Variants in TRPM3 observed in about 807,000 individuals in gnomAD.
TRPM3 encodes long transient receptor potential channel 3.
In TRPM3, 77 loss-of-function variants were observed where a neutral mutation model predicts 181.2. The ratio of observed to expected loss-of-function variants is 0.42; its 90% CI spans 0.35 to 0.51. The LOEUF (loss-of-function observed/expected upper bound fraction) is 0.51, where lower values mean the gene tolerates loss of function less well. Among genes scored for constraint, TRPM3 ranks in the 20% least tolerant of loss-of-function variants. The pLI, the probability that TRPM3 is intolerant of heterozygous loss-of-function variation, is 0.01. For synonymous variants in TRPM3, 745 were observed against 796.4 expected (o/e 0.94, Z 1.09); for missense variants, 1,759 against 2,196.7 (o/e 0.80, Z 3.98).
Position 71,264,434 on chromosome 9 carries a change from GGGAA to G in TRPM3, c.183+182215_183+182218del, listed in dbSNP as rs1429425398. Among the ~76,000 whole-genome samples the G allele has an allele frequency of 5.3e-5, 8 of 152,194 alleles. No individual in the cohort carries two copies. In the East Asian group the frequency reaches 1.5e-3, roughly 29 times the overall value. On this transcript the variant is annotated intron_variant, in intron 1 of 24. Coordinates refer to the TRPM3 transcript ENST00000357533. ...ATCAATTACACTTCATTAAAGCTGG[GGGAA>G]GGGAGTGAATGATGTTTCAGTCTCA...
intron 1 of TRPM3, among the ~76,000 whole-genome samples, chr9:71,003,207 A>AAAC (rs2097632499): frequency 1.4e-5 from 2 of 147,812 alleles, no homozygotes. Flanking sequence ...AAAAAAAAAA[A>AAAC]AAAACACTTA....
In TRPM3 at chr9:70,888,271, AAGTGAATTTTTATGGCAATAT is replaced by A. The variant is rs1170523500; in HGVS notation, c.178-23781_178-23761del. On this transcript the variant is annotated intron_variant, in intron 1 of 25. Coordinates refer to ENST00000677713, the MANE Select transcript of TRPM3 (RefSeq NM_001366145.2). Reference sequence around the variant, plus strand: ...CCAGCACATAGTAGGTACCTGAAAAAAGTGAATTTTTATGGCAATATAGTCACATTTTAATTTCTTGTTGGA... The same window carrying A: ...CCAGCACATAGTAGGTACCTGAAAAAAGTCACATTTTAATTTCTTGTTGGA... Among the ~76,000 whole-genome samples, 4 of 152,110 alleles carry A rather than the reference AAGTGAATTTTTATGGCAATAT, an allele frequency of 2.6e-5. No individual in the cohort carries two copies. In the East Asian group the frequency reaches 7.7e-4, roughly 29 times the overall value.
At chr9:71,396,302 T>TA (rs11460801) in intron 1 of TRPM3, among the ~76,000 whole-genome samples, 124,903 of 141,330 alleles carry the variant, frequency 0.88, 55,915 homozygotes, top group East Asian at 0.97. Flanking sequence ...GTGCTATTGC[T>TA]AAAAAAAAAA....
At chr9:70,907,296 C>T (rs905263699) in intron 1 of TRPM3, among the ~76,000 whole-genome samples, 4 of 152,234 alleles carry the variant, frequency 2.6e-5, no homozygotes, top group African/African-American at 9.7e-5. Context: ...AGGTGACACT[C>T]TGCCTCCTTG....
intron 1 of TRPM3, among the ~76,000 whole-genome samples, chr9:70,883,386 A>G (rs2096029255): frequency 6.6e-6 from 1 of 152,248 alleles, no homozygotes; most frequent in Non-Finnish European, 1.5e-5. Context: ...GAGGCAGAGA[A>G]AGTTCCAAAT....
intron 8 of TRPM3, among the ~76,000 whole-genome samples, chr9:70,743,752 G>A (rs2074596381): frequency 1.3e-5 from 2 of 152,044 alleles, no homozygotes; most frequent in Admixed American, 1.3e-4. Flanking sequence ...CAGTCTCTAG[G>A]AAGACCTTCC....
chr9:70,624,570 T>A (rs2064184966), intron 14 of TRPM3, among the ~76,000 whole-genome samples: 1 of 152,208 alleles, frequency 6.6e-6, no homozygotes, highest in Non-Finnish European at 1.5e-5. Context: ...AAAAATGATA[T>A]TTACAATTAT....
intron 1 of TRPM3, among the ~76,000 whole-genome samples, chr9:70,891,687 T>A (rs1321664109): frequency 6.6e-6 from 1 of 152,204 alleles, no homozygotes; most frequent in Non-Finnish European, 1.5e-5. Context: ...TAGTTATCTC[T>A]CCAGCTCCTC....
At chr9:70,752,690 A>C (rs1449017756) in intron 8 of TRPM3, among the ~76,000 whole-genome samples, 2 of 152,164 alleles carry the variant, frequency 1.3e-5, no homozygotes, top group African/African-American at 2.4e-5. Context: ...AATACCTAAC[A>C]TTGTGTTACA....
chr9:71,113,800 T>C (rs2071687730), intron 1 of TRPM3, among the ~76,000 whole-genome samples: 1 of 152,232 alleles, frequency 6.6e-6, no homozygotes, highest in Non-Finnish European at 1.5e-5. Context: ...GGCCTGGTCA[T>C]GCCAGAGCCT....
chr9:70,755,023 A>C lies in TRPM3; in HGVS notation c.1272+6578T>G, dbSNP rs116756992. The stretch of plus-strand genomic sequence containing the variant: ...AAGGCATCTGGTACCGTCCATGTAC[A>C]TAAGTAGTCCCTCAAAATTTGAAAT... On this transcript the variant is annotated intron_variant, in intron 8 of 25. Transcript: ENST00000677713. Among the ~76,000 whole-genome samples, 358 of 152,304 alleles carry C rather than the reference A, an allele frequency of 2.4e-3. 2 individuals are homozygous for C. Among genetic ancestry groups the C allele is most frequent in the African/African-American group, 8.3e-3 (344 of 41,574 alleles).
intron 8 of TRPM3, among the ~76,000 whole-genome samples, chr9:70,750,025 C>T (rs186330021): frequency 4.6e-5 from 7 of 152,260 alleles, no homozygotes; most frequent in South Asian, 2.1e-4. Context: ...GCAGAGGTTA[C>T]GCACATCATA....
intron 1 of TRPM3, among the ~76,000 whole-genome samples, chr9:71,206,737 TA>T (rs2079148291): frequency 6.6e-6 from 1 of 152,182 alleles, no homozygotes; most frequent in Non-Finnish European, 1.5e-5. Context: ...TTGAAGCCTT[TA>T]ATCCATCCTG....
At chr9:70,883,817 C>T (rs533030777) in intron 1 of TRPM3, among the ~76,000 whole-genome samples, 1 of 152,214 alleles carries the variant, frequency 6.6e-6, no homozygotes, top group Non-Finnish European at 1.5e-5. Flanking sequence ...AAAGCCAAAG[C>T]AAGGACTTCT....
At chr9:71,210,092 T>A (rs1240072499) in intron 1 of TRPM3, among the ~76,000 whole-genome samples, 1 of 152,216 alleles carries the variant, frequency 6.6e-6, no homozygotes, top group African/African-American at 2.4e-5. Flanking sequence ...CACCCGTATT[T>A]ACAGCCACTC....
At chr9:71,345,843 C>A (rs2091261621) in intron 1 of TRPM3, among the ~76,000 whole-genome samples, 1 of 152,072 alleles carries the variant, frequency 6.6e-6, no homozygotes, top group South Asian at 2.1e-4. Context: ...CAGGGAAATG[C>A]AAATTAAAAT....
chr9:71,444,189 A>C (rs1201489379), intron 1 of TRPM3, among the ~76,000 whole-genome samples: 1 of 151,734 alleles, frequency 6.6e-6, no homozygotes, highest in African/African-American at 2.4e-5. Context: ...AAAAAAAAAA[A>C]AAAAAAACTA....
intron 1 of TRPM3, among the ~76,000 whole-genome samples, chr9:70,909,793 T>C (rs776847899): frequency 2.4e-4 from 36 of 152,302 alleles, no homozygotes; most frequent in Admixed American, 1.0e-3. Context: ...GCAAAAGCAA[T>C]TGTGGTTTTT....
At chr9:70,930,268 A>G (rs765717856) in intron 1 of TRPM3, among the ~76,000 whole-genome samples, 1 of 152,210 alleles carries the variant, frequency 6.6e-6, no homozygotes, top group East Asian at 1.9e-4. Context: ...CATGCAGTAA[A>G]TGGTGGCTAT....
Sources: allele counts gnomAD v4.1 joint callset (sites outside exome capture counted in the v4.1 genomes callset), GRCh38; gene constraint gnomAD v4.1.1; transcripts MANE v1.5; gene names NCBI Gene and HGNC (gene_info 2026-07-23, HGNC 2026-07-21).